TENM3: variants seen among roughly 807,000 people sequenced by gnomAD.
TENM3 encodes the protein teneurin-3.
TENM3 carries 63 observed loss-of-function variants against 255.1 expected under a neutral mutation model. That is an observed-to-expected ratio of 0.25 (90% confidence interval 0.20 to 0.30). The LOEUF is 0.30. Ranked by LOEUF, TENM3 falls within the 10% of genes least tolerant of loss-of-function variation. The pLI, the probability that TENM3 is intolerant of heterozygous loss-of-function variation, is 1.00. For missense variants in TENM3, 2,929 were observed against 3,461.1 expected, an observed-to-expected ratio of 0.85 and a Z score of 3.86; for synonymous variants, 1,306 against 1,322.3, an observed-to-expected ratio of 0.99 and a Z score of 0.27.
At chr4:182,416,133 CTT>C (rs1158967959) in intron 3 of TENM3, among the ~76,000 whole-genome samples, 5 of 152,148 alleles carry the variant, frequency 3.3e-5, no homozygotes, top group Non-Finnish European at 1.5e-5. Flanking sequence ...AATGGGTAGT[CTT>C]AATTCACACA....
the TENM3 span, among the ~76,000 whole-genome samples, chr4:182,091,858 G>T: frequency 9.0e-3 from 1,377 of 152,254 alleles, 20 homozygotes; most frequent in African/African-American, 0.031. Flanking sequence ...GAGAAGGGTG[G>T]GCTTGAAGCT....
At chr4:182,112,174 G>T in the TENM3 span, among the ~76,000 whole-genome samples, 1 of 152,156 alleles carries the variant, frequency 6.6e-6, no homozygotes, top group Non-Finnish European at 1.5e-5. Flanking sequence ...AAAAATGAAT[G>T]ACTACATTTT....
intron 3 of TENM3, among the ~76,000 whole-genome samples, chr4:182,347,955 G>T (rs916064603): frequency 1.2e-4 from 19 of 152,204 alleles, no homozygotes; most frequent in Admixed American, 1.2e-3. Flanking sequence ...TTTATTGGGT[G>T]ACTTTGTCAG....
intron 1 of TENM3, among the ~76,000 whole-genome samples, chr4:182,296,244 A>G (rs559445497): frequency 8.5e-5 from 13 of 152,222 alleles, no homozygotes; most frequent in African/African-American, 2.9e-4. Flanking sequence ...ATTACAGGCT[A>G]TTTTTTAAGT....
the TENM3 span, among the ~76,000 whole-genome samples, chr4:181,740,903 G>A: frequency 1.3e-5 from 2 of 152,056 alleles, no homozygotes; most frequent in African/African-American, 4.8e-5. Context: ...AAAATACAGA[G>A]CCCCACTTAA....
chr4:181,574,907 T>C, the TENM3 span, among the ~76,000 whole-genome samples: 6 of 152,160 alleles, frequency 3.9e-5, no homozygotes, highest in East Asian at 1.2e-3. Context: ...TGCCAATATA[T>C]TATTGTTAGG....
At chr4:182,360,980 A>T (rs1439123222) in intron 3 of TENM3, among the ~76,000 whole-genome samples, 1 of 152,106 alleles carries the variant, frequency 6.6e-6, no homozygotes, top group Non-Finnish European at 1.5e-5. Context: ...TTCACTTATG[A>T]AGCTTAGTTT....
chr4:182,330,868 AT>A (rs1763704216), intron 2 of TENM3, among the ~76,000 whole-genome samples: 1 of 152,264 alleles, frequency 6.6e-6, no homozygotes, highest in South Asian at 2.1e-4. Flanking sequence ...GCATTTACCT[AT>A]CTCAGCAAAA....
At chr4:182,737,844 C>G (rs1761290169) in intron 17 of TENM3, among the ~76,000 whole-genome samples, 1 of 152,076 alleles carries the variant, frequency 6.6e-6, no homozygotes, top group Non-Finnish European at 1.5e-5. Flanking sequence ...TTTAAATTCC[C>G]TGTTTCATTG....
At chr4:181,628,923 G>A in the TENM3 span, among the ~76,000 whole-genome samples, 1 of 152,028 alleles carries the variant, frequency 6.6e-6, no homozygotes, top group Non-Finnish European at 1.5e-5. Context: ...AATTACCTTG[G>A]GCAGTATGGC....
intron 1 of TENM3, among the ~76,000 whole-genome samples, chr4:182,235,170 A>G (rs564083016): frequency 2.6e-4 from 40 of 152,356 alleles, no homozygotes; most frequent in African/African-American, 8.9e-4. Flanking sequence ...GGCAGGAAAC[A>G]TAGTTGTTGG....
At chr4:181,659,950 C>A in the TENM3 span, among the ~76,000 whole-genome samples, 2 of 152,094 alleles carry the variant, frequency 1.3e-5, no homozygotes, top group Admixed American at 1.3e-4. Flanking sequence ...GTTGTCACCT[C>A]CCATTAGCAT....
chr4:182,432,076 CAAA>C (rs1179857938), intron 3 of TENM3, among the ~76,000 whole-genome samples: 1 of 74,448 alleles, frequency 1.3e-5, no homozygotes. Flanking sequence ...GAGAAAGTCT[CAAA>C]AAAAAAAAAA....
At chr4:181,889,287 G>A in the TENM3 span, among the ~76,000 whole-genome samples, 3 of 151,928 alleles carry the variant, frequency 2.0e-5, no homozygotes, top group African/African-American at 7.3e-5. Flanking sequence ...TGGCACCCCC[G>A]TTCCCAGCCT....
At chr4:181,544,764 A>G in the TENM3 span, among the ~76,000 whole-genome samples, 23,785 of 152,156 alleles carry the variant, frequency 0.16, 2,830 homozygotes, top group African/African-American at 0.33. Context: ...TACAGTGTTC[A>G]TAAACTATGG....
chr4:182,578,948 C>T (rs181033140), intron 3 of TENM3, among the ~76,000 whole-genome samples: 61 of 152,314 alleles, frequency 4.0e-4, no homozygotes, highest in Admixed American at 9.2e-4. Flanking sequence ...AAACCAACCC[C>T]GGCACAAAGC....
chr4:181,718,055 A>C, the TENM3 span, among the ~76,000 whole-genome samples: 4 of 149,170 alleles, frequency 2.7e-5, no homozygotes, highest in Non-Finnish European at 6.0e-5. Context: ...TCGACATAAT[A>C]TTGTGTTTTT....
chr4:182,463,847 T>C (rs1732312767), intron 3 of TENM3, among the ~76,000 whole-genome samples: 1 of 152,022 alleles, frequency 6.6e-6, no homozygotes, highest in Non-Finnish European at 1.5e-5. Flanking sequence ...GGTCTCGAAC[T>C]CCGACCTCAG....
At chr4:182,135,868 C>G in the TENM3 span, among the ~76,000 whole-genome samples, 1 of 152,228 alleles carries the variant, frequency 6.6e-6, no homozygotes, top group Non-Finnish European at 1.5e-5. Flanking sequence ...TTTTGTGAGA[C>G]TGAACCCTAA....
Sources: gnomAD v4.1 joint callset for allele counts (sites outside exome capture counted in the v4.1 genomes callset) on GRCh38, gnomAD v4.1.1 for gene constraint, MANE v1.5 for transcripts, NCBI Gene and HGNC (gene_info 2026-07-23, HGNC 2026-07-21) for gene names.